IQCM: variants seen among roughly 807,000 people sequenced by gnomAD.
IQCM encodes IQ motif containing M.
IQCM carries 45 observed loss-of-function variants against 57.6 expected under a neutral mutation model. The ratio of observed to expected loss-of-function variants is 0.78; its 90% confidence interval spans 0.62 to 1.00. IQCM has a LOEUF of 1.00. Ranked by LOEUF, IQCM falls within the 50% of genes least tolerant of loss-of-function variation. IQCM has a pLI of 0.00. For synonymous variants in IQCM, 148 were observed against 158.9 expected (o/e 0.93, Z 0.51); for missense variants, 468 against 511.6 (o/e 0.91, Z 0.82).
At chr4:149,550,056 T>A (rs1311536948) in intron 11 of IQCM, among the ~76,000 whole-genome samples, 1 of 152,234 alleles carries the variant, frequency 6.6e-6, no homozygotes, top group Non-Finnish European at 1.5e-5. Context: ...CATGCTAAGT[T>A]GACTTTCAAT....
chr4:149,681,644 CA>C (rs760939723), intron 7 of IQCM, among the ~76,000 whole-genome samples: 12 of 151,092 alleles, frequency 7.9e-5, no homozygotes, highest in African/African-American at 2.2e-4. Context: ...ACCTTAATGA[CA>C]GCCTGAAGCT....
At position 149,789,843 on chromosome 4, in the gene IQCM, G is replaced by C. The variant is rs763185281; in HGVS notation, c.-49+25468C>G. 2.4e-4 allele frequency: 39 copies of C among 160,706 alleles called. No individual in the cohort carries two copies. In the Middle Eastern group the frequency reaches 0.014, roughly 59 times the overall value. The allele number at this position is 160,706 out of a possible 1,614,324, so 10.0% of individuals were successfully genotyped here. A position where few individuals can be genotyped will look rare whatever the true frequency, so the allele number is the denominator to read the frequency against. On this transcript the variant is annotated intron_variant, in intron 2 of 13. Coordinates refer to ENST00000636793, the MANE Select transcript of IQCM (RefSeq NM_001363507.2). ...TTGTTGAGCCCAGGAGGCAGAGGTT[G>C]CAATGAGCTGAGATCACTCCACTGC... is the stretch of plus-strand genomic sequence containing the variant.
intron 9 of IQCM, among the ~76,000 whole-genome samples, chr4:149,571,533 A>T (rs1751158492): frequency 6.6e-6 from 1 of 152,082 alleles, no homozygotes; most frequent in South Asian, 2.1e-4. Context: ...ATAAAATGGT[A>T]TTTACATAGG....
intron 12 of IQCM, among the ~76,000 whole-genome samples, chr4:149,524,930 G>A (rs757068252): frequency 2.4e-4 from 37 of 151,518 alleles, no homozygotes; most frequent in Non-Finnish European, 5.0e-4. Context: ...TAAACCAATA[G>A]TGGTACCATA....
intron 12 of IQCM, among the ~76,000 whole-genome samples, chr4:149,465,242 T>A (rs2149716528): frequency 6.6e-6 from 1 of 152,266 alleles, no homozygotes; most frequent in Non-Finnish European, 1.5e-5. Context: ...TTTAATCAAT[T>A]GATTAACAGA....
At chr4:149,418,068 C>T (rs1733872703) in intron 13 of IQCM, among the ~76,000 whole-genome samples, 1 of 151,168 alleles carries the variant, frequency 6.6e-6, no homozygotes, top group African/African-American at 2.4e-5. Context: ...AGCAAACAAA[C>T]CCCAAAGCTA....
chr4:149,700,317 C>T (rs1580051788), intron 5 of IQCM, among the ~76,000 whole-genome samples: 1 of 151,960 alleles, frequency 6.6e-6, no homozygotes, highest in South Asian at 2.1e-4. Context: ...ATTAATCCGG[C>T]CCCTTGTAAT....
At chr4:149,457,078 T>C (rs993703840) in intron 12 of IQCM, among the ~76,000 whole-genome samples, 2 of 152,102 alleles carry the variant, frequency 1.3e-5, no homozygotes, top group East Asian at 3.9e-4. Flanking sequence ...CTCAGAGTTA[T>C]CTGATTTCAA....
intron 12 of IQCM, among the ~76,000 whole-genome samples, chr4:149,485,752 T>C (rs1191912777): frequency 3.3e-5 from 5 of 152,082 alleles, no homozygotes; most frequent in Non-Finnish European, 7.4e-5. Context: ...TTTTCCTATA[T>C]GGTGTTGATG....
At chr4:149,680,526 A>G (rs1762104400) in intron 7 of IQCM, among the ~76,000 whole-genome samples, 2 of 151,360 alleles carry the variant, frequency 1.3e-5, no homozygotes, top group Admixed American at 1.3e-4. Flanking sequence ...ATACTGAAGT[A>G]TACTTCAATT....
intron 2 of IQCM, among the ~76,000 whole-genome samples, chr4:149,759,956 A>G (rs1226200854): frequency 1.3e-5 from 2 of 152,036 alleles, no homozygotes; most frequent in Non-Finnish European, 2.9e-5. Flanking sequence ...GAACAAAATC[A>G]AAACTAGTTC....
intron 2 of IQCM, among the ~76,000 whole-genome samples, chr4:149,811,434 T>C (rs967221975): frequency 6.6e-6 from 1 of 152,172 alleles, no homozygotes; most frequent in Non-Finnish European, 1.5e-5. Context: ...AATATCAAGA[T>C]ATATATTAAA....
chr4:149,477,701 T>C (rs1740347084), intron 12 of IQCM, among the ~76,000 whole-genome samples: 1 of 152,134 alleles, frequency 6.6e-6, no homozygotes, highest in Non-Finnish European at 1.5e-5. Context: ...TAGGTCACTG[T>C]AAATGAAGTG....
intron 2 of IQCM, among the ~76,000 whole-genome samples, chr4:149,811,878 AC>A (rs1417004637): frequency 6.6e-6 from 1 of 152,210 alleles, no homozygotes; most frequent in African/African-American, 2.4e-5. Flanking sequence ...TTAAAAGAGG[AC>A]ACTGTAATCT....
chr4:149,368,853 C>CGTGT (rs1560779152), intron 13 of IQCM, among the ~76,000 whole-genome samples: 2 of 57,806 alleles, frequency 3.5e-5, no homozygotes, highest in Admixed American at 1.8e-4. Context: ...CATATATATA[C>CGTGT]ATGTATATAT....
intron 7 of IQCM, among the ~76,000 whole-genome samples, chr4:149,668,862 G>C (rs1760979223): frequency 6.6e-6 from 1 of 152,034 alleles, no homozygotes; most frequent in African/African-American, 2.4e-5. Context: ...AAAGTTGAGA[G>C]TACTTCAGCA....
intron 8 of IQCM, 61 bp downstream of exon 8, chr4:149,621,068 A>T (rs1756289654): frequency 2.7e-6 from 2 of 727,746 alleles, no homozygotes; most frequent in East Asian, 6.8e-5. Flanking sequence ...ATCAAAATTA[A>T]TGCAATAATT....
intron 7 of IQCM, among the ~76,000 whole-genome samples, chr4:149,647,384 G>A (rs1758741526): frequency 6.6e-6 from 1 of 151,520 alleles, no homozygotes; most frequent in Non-Finnish European, 1.5e-5. Context: ...TTTCCTTCAT[G>A]AAAGTTTGTT....
intron 12 of IQCM, among the ~76,000 whole-genome samples, chr4:149,442,586 C>T (rs554147738): frequency 4.6e-5 from 7 of 152,194 alleles, no homozygotes; most frequent in Non-Finnish European, 1.5e-5. Flanking sequence ...AATCTCTTCT[C>T]GTCCAGTTAC....
Sources: allele counts gnomAD v4.1 joint callset (sites outside exome capture counted in the v4.1 genomes callset), GRCh38; gene constraint gnomAD v4.1.1; transcripts MANE v1.5; gene names NCBI Gene and HGNC (gene_info 2026-07-23, HGNC 2026-07-21).